DNAH3: variants seen among roughly 807,000 people sequenced by gnomAD.
DNAH3 encodes axonemal beta dynein heavy chain 3.
DNAH3 carries 332 observed loss-of-function variants against 432.5 expected under a neutral mutation model. The observed-to-expected ratio is 0.77, with a 90% confidence interval of 0.70 to 0.84. The LOEUF is 0.84. Ranked by LOEUF, DNAH3 falls within the 40% of genes least tolerant of loss-of-function variation. DNAH3 has a pLI of 0.00. For missense variants in DNAH3, 4,861 were observed against 5,114.0 expected (o/e 0.95, Z 1.51); for synonymous variants, 1,956 against 1,900.2 (o/e 1.03, Z -0.76).
At chr16:20,955,106 G>A in intron 54 of DNAH3, 49 bp from the exon 55 acceptor site, 1 of 1,506,658 alleles carries the variant, frequency 6.6e-7, no homozygotes, top group Non-Finnish European at 8.9e-7. Flanking sequence ...ATAAGTTATA[G>A]TGAAAAGCAA....
chr16:21,117,607 C>T (rs2092236840), intron 11 of DNAH3, among the ~76,000 whole-genome samples: 1 of 152,186 alleles, frequency 6.6e-6, no homozygotes, highest in South Asian at 2.1e-4. Context: ...CTCACCGCCC[C>T]ACAACGCTCC....
At chr16:21,084,286 CATT>C (rs953217823) in intron 19 of DNAH3, among the ~76,000 whole-genome samples, 10 of 152,028 alleles carry the variant, frequency 6.6e-5, no homozygotes, top group Non-Finnish European at 1.2e-4. Flanking sequence ...TCAATATCAT[CATT>C]ATTATTATGG....
chr16:21,153,282 C>T (rs906796738), intron 1 of DNAH3, among the ~76,000 whole-genome samples: 1 of 152,220 alleles, frequency 6.6e-6, no homozygotes, highest in Non-Finnish European at 1.5e-5. Context: ...ACACACCAAT[C>T]AGCACCCTGT....
At chr16:21,038,938 C>G (rs1259660629) in intron 33 of DNAH3, among the ~76,000 whole-genome samples, 5 of 152,130 alleles carry the variant, frequency 3.3e-5, no homozygotes, top group African/African-American at 4.8e-5. Flanking sequence ...TAAAGACATT[C>G]ATTATAACAG....
Position 21,106,686 on chromosome 16 carries a change from A to T in DNAH3, c.2100-12T>A. ...ACTGATTACAAATGCTACAGAAAAGAAACAGCCATTGTTATCATCATCATC... is the reference window on the plus strand; with the variant it reads ...ACTGATTACAAATGCTACAGAAAAGTAACAGCCATTGTTATCATCATCATC... On this transcript the variant is annotated splice_polypyrimidine_tract_variant and intron_variant, in intron 14 of 61. Transcript: ENST00000261383. The T allele has an allele frequency of 2.7e-6, 4 of 1,469,498 alleles. No individual in the cohort carries two copies. The highest frequency in any genetic ancestry group is 3.7e-6 in the Non-Finnish European group (4 of 1,090,224). The allele number at this position is 1,469,498 out of a possible 1,614,324, so 91.0% of individuals were successfully genotyped here.
intron 23 of DNAH3, among the ~76,000 whole-genome samples, chr16:21,069,095 TTGTG>T (rs71817169): frequency 3.3e-5 from 4 of 122,588 alleles, no homozygotes; most frequent in Admixed American, 1.6e-4. Context: ...TGGCTAATAT[TTGTG>T]TGTGTGTGTG....
intron 5 of DNAH3, among the ~76,000 whole-genome samples, chr16:21,138,022 TG>T (rs2092667261): frequency 2.6e-5 from 4 of 151,748 alleles, no homozygotes; most frequent in Admixed American, 2.0e-4. Flanking sequence ...CCAAGGCGGG[TG>T]GATCACCTGA....
chr16:21,035,925 T>C (rs538789926), intron 35 of DNAH3, among the ~76,000 whole-genome samples: 2 of 152,328 alleles, frequency 1.3e-5, no homozygotes, highest in African/African-American at 4.8e-5. Context: ...CTGCTGATGA[T>C]GACGGAGATG....
At chr16:21,060,113 AG>A (rs1300502942) in intron 26 of DNAH3, 150 bp downstream of exon 26, 1 of 641,990 alleles carries the variant, frequency 1.6e-6, no homozygotes, top group African/African-American at 1.8e-5. Flanking sequence ...TCATTGCCCC[AG>A]GGTTCACAAG....
chr16:21,081,705 T>C, exon 20 of DNAH3: 2 of 1,613,900 alleles, frequency 1.2e-6, no homozygotes, highest in Non-Finnish European at 1.7e-6. Flanking sequence ...GGGCTTTATC[T>C]CATAGCCAAC....
intron 56 of DNAH3, among the ~76,000 whole-genome samples, chr16:20,951,823 C>A (rs993790015): frequency 6.7e-6 from 1 of 149,804 alleles, no homozygotes; most frequent in Admixed American, 6.7e-5. Context: ...TCACTGCAAC[C>A]TCTGCCTCCC....
In DNAH3 at chr16:21,104,602, A is replaced by C. The variant is rs1271983704; in HGVS notation, c.2285-50T>G. 6.8e-7 allele frequency: 1 copy of C among 1,480,740 alleles called. No homozygotes were observed. Among genetic ancestry groups the C allele is most frequent in the South Asian group, 1.1e-5 (1 of 88,422 alleles). 91.7% of individuals were successfully genotyped at this position (1,480,740 alleles called of 1,614,324 possible). On this transcript the variant is annotated intron_variant, in intron 15 of 61. Coordinates refer to ENST00000261383, the Ensembl canonical transcript of DNAH3. ...TCAATTTGATGTCCTCATCTGCAAA[A>C]CACATACTGCCTGCTCCAGGACACT... is the stretch of plus-strand genomic sequence containing the variant.
At chr16:20,971,917 T>C (rs2085359869) in intron 51 of DNAH3, among the ~76,000 whole-genome samples, 2 of 152,218 alleles carry the variant, frequency 1.3e-5, no homozygotes, top group Admixed American at 6.5e-5. Flanking sequence ...CATGTTTTCC[T>C]CTTAGTACCC....
chr16:21,091,755 G>A (rs2091542032), intron 18 of DNAH3, among the ~76,000 whole-genome samples: 1 of 152,086 alleles, frequency 6.6e-6, no homozygotes, highest in Non-Finnish European at 1.5e-5. Flanking sequence ...GGTGGAGGTT[G>A]TAGTGAGCCA....
intron 54 of DNAH3, among the ~76,000 whole-genome samples, chr16:20,958,112 G>A (rs916515463): frequency 1.3e-4 from 19 of 148,070 alleles, no homozygotes; most frequent in South Asian, 2.1e-4. Flanking sequence ...TCACTCTGTC[G>A]CCCAGGCTGG....
chr16:21,048,532 G>T (rs552026119), intron 31 of DNAH3, among the ~76,000 whole-genome samples: 1 of 152,118 alleles, frequency 6.6e-6, no homozygotes, highest in Non-Finnish European at 1.5e-5. Flanking sequence ...GCCCTGCTTC[G>T]GCTGGCGCAC....
At chr16:21,121,020 T>C in intron 10 of DNAH3, 1 of 702,744 alleles carries the variant, frequency 1.4e-6, no homozygotes, top group South Asian at 1.5e-5. Context: ...AGAAGAATGC[T>C]TGGGCCTCCT....
chr16:21,047,896 A>G (rs1192090141), intron 31 of DNAH3, among the ~76,000 whole-genome samples: 1 of 151,318 alleles, frequency 6.6e-6, no homozygotes, highest in East Asian at 1.9e-4. Context: ...CTTCTAACAG[A>G]GAGGACCCTC....
At position 21,140,678 on chromosome 16, in the gene DNAH3, G is replaced by A. The variant is rs770695589; in HGVS notation, c.554C>T (p.Ser185Leu). 7 of 1,614,090 alleles carry A rather than the reference G, an allele frequency of 4.3e-6. No homozygotes were observed. Among genetic ancestry groups the A allele is most frequent in the African/African-American group, 1.3e-5 (1 of 75,050 alleles). The stretch of plus-strand genomic sequence containing the variant: ...TGTCTTTACCTCCTTCTTCATGGGT[G>A]AGAAGATTGACGTCTTGAAGGCCAA... Residue 185 changes from serine (S) to leucine (L), a missense_variant, in exon 5 of 62, where the codon TCA becomes TTA. Transcript: ENST00000261383.
Sources: gnomAD v4.1 joint callset for allele counts (sites outside exome capture counted in the v4.1 genomes callset) on GRCh38, gnomAD v4.1.1 for gene constraint, MANE v1.5 for transcripts, NCBI Gene and HGNC (gene_info 2026-07-23, HGNC 2026-07-21) for gene names.